The following SWT1 variants were observed in gnomAD, a reference collection of about 807,000 sequenced individuals.
SWT1 encodes transcriptional protein SWT1.
A neutral mutation model predicts 107.3 loss-of-function variants in SWT1; 33 were observed. The observed-to-expected ratio is 0.31, with a 90% confidence interval of 0.23 to 0.41. The LOEUF (loss-of-function observed/expected upper bound fraction) is 0.41. Among genes scored for constraint, SWT1 ranks in the 10% least tolerant of loss-of-function variants. The pLI, the probability that SWT1 is intolerant of heterozygous loss-of-function variation, is 1.00. For missense variants in SWT1, 898 were observed against 1,028.9 expected, an observed-to-expected ratio of 0.87 and a Z score of 1.74; for synonymous variants, 345 against 348.3, an observed-to-expected ratio of 0.99 and a Z score of 0.11.
At chr1:185,158,921 A>G (rs763326495) in intron 1 of SWT1, among the ~76,000 whole-genome samples, 9 of 152,162 alleles carry the variant, frequency 5.9e-5, no homozygotes, top group Non-Finnish European at 8.8e-5. Flanking sequence ...GGCTGCTGTC[A>G]TGTCACTTGA....
chr1:185,231,738 T>C (rs373075135), intron 16 of SWT1, 30 bp downstream of exon 16: 4 of 1,543,316 alleles, frequency 2.6e-6, no homozygotes, highest in Non-Finnish European at 3.6e-6. Context: ...TAAAGTGTTA[T>C]TTACTTATTA....
intron 9 of SWT1, 31 bp from the exon 10 acceptor site, chr1:185,190,518 T>C: frequency 1.6e-6 from 2 of 1,255,436 alleles, no homozygotes; most frequent in Non-Finnish European, 2.3e-6. Flanking sequence ...TCTAGTGTAC[T>C]TACTGACTGT....
chr1:185,159,205 G>C (rs964064907), intron 1 of SWT1, among the ~76,000 whole-genome samples: 9 of 152,146 alleles, frequency 5.9e-5, no homozygotes, highest in African/African-American at 1.9e-4. Flanking sequence ...CATTGTGGTA[G>C]CAGATTACAT....
chr1:185,280,213 A>T (rs572129929), intron 18 of SWT1, among the ~76,000 whole-genome samples: 1 of 152,244 alleles, frequency 6.6e-6, no homozygotes, highest in East Asian at 1.9e-4. Context: ...AGCACTTCTC[A>T]TTCCTGCTGC....
At chr1:185,231,322 T>C (rs145999926) in intron 15 of SWT1, among the ~76,000 whole-genome samples, 2 of 152,330 alleles carry the variant, frequency 1.3e-5, no homozygotes, top group African/African-American at 4.8e-5. Context: ...TCTCTTAGAA[T>C]GAAACAATAT....
chr1:185,280,119 A>C (rs1157921376), intron 18 of SWT1, among the ~76,000 whole-genome samples: 3 of 152,122 alleles, frequency 2.0e-5, no homozygotes, highest in Non-Finnish European at 2.9e-5. Flanking sequence ...GAATCATGAG[A>C]GCAGTTTCCC....
At chr1:185,277,069 T>C (rs548614124) in intron 18 of SWT1, among the ~76,000 whole-genome samples, 48 of 152,258 alleles carry the variant, frequency 3.2e-4, no homozygotes, top group Admixed American at 2.0e-3. Flanking sequence ...ATTATGAAAA[T>C]GTTAAAAGTG....
At chr1:185,228,164 AATG>A (rs1293497641) in intron 15 of SWT1, among the ~76,000 whole-genome samples, 37 of 112,200 alleles carry the variant, frequency 3.3e-4, no homozygotes, top group African/African-American at 8.0e-4. Flanking sequence ...ATTAAAAAAA[AATG>A]TGTATATATA....
Position 185,290,915 on chromosome 1 carries a change from A to G in SWT1, c.*112A>G. ...CCAAGAGAATTTTAAGAAATGTTTC[A>G]TAGGTATAAAAAGGTGATCGCCTAT... is the stretch of plus-strand genomic sequence containing the variant. On this transcript the variant is annotated 3_prime_UTR_variant, in exon 19 of 19. Coordinates refer to ENST00000367500, the MANE Select transcript of SWT1 (RefSeq NM_017673.7). The G allele has an allele frequency of 5.6e-6, 5 of 896,698 alleles. No homozygotes were observed. The highest frequency in any genetic ancestry group is 8.1e-6 in the Non-Finnish European group (5 of 617,856). 55.5% of individuals were successfully genotyped at this position (896,698 alleles called of 1,614,324 possible). A position where few individuals can be genotyped will look rare whatever the true frequency, so the allele number is the denominator to read the frequency against.
At position 185,257,388 on chromosome 1, in the gene SWT1, C is replaced by T. The variant is rs532065110; in HGVS notation, c.2442-13935C>T. The stretch of plus-strand genomic sequence containing the variant: ...GGCGCCCCTCCCCCAGCCTCGCTGC[C>T]GCCTTGCAGTTTGATCTCAGACTGC... On this transcript the variant is annotated intron_variant, in intron 16 of 18. Coordinates refer to ENST00000367500, the MANE Select transcript of SWT1 (RefSeq NM_017673.7). Among the ~76,000 whole-genome samples, 15 of 152,206 alleles carry T rather than the reference C, an allele frequency of 9.9e-5. No individual in the cohort carries two copies. The East Asian group carries it at 1.2e-3, about 12-fold the overall frequency.
chr1:185,256,682 T>C (rs918676631), intron 16 of SWT1, among the ~76,000 whole-genome samples: 6 of 149,988 alleles, frequency 4.0e-5, no homozygotes, highest in East Asian at 4.0e-4. Context: ...ATACATTCTT[T>C]TAAATTTTTT....
intron 18 of SWT1, among the ~76,000 whole-genome samples, chr1:185,284,680 C>T (rs1571714575): frequency 6.6e-6 from 1 of 152,130 alleles, no homozygotes; most frequent in African/African-American, 2.4e-5. Context: ...CAGTGATTGG[C>T]TATACATTTT....
rs543747039 is a variant in SWT1, at chr1:185,225,032, A to G, written c.2309+2996A>G. ...TAAAAGTAGGTGTTCTTGTTCCTTC[A>G]GTATGATGTTAACTATGGGTTTGTC... On this transcript the variant is annotated intron_variant, in intron 15 of 18. Transcript: ENST00000367500. Among the ~76,000 whole-genome samples, 6 of 152,148 alleles carry G rather than the reference A, an allele frequency of 3.9e-5. No homozygotes were observed. In the South Asian group the frequency reaches 1.2e-3, roughly 32 times the overall value.
rs1655420108 is a variant in SWT1 at position 185,175,042 on chromosome 1, G to A, written c.895G>A (p.Glu299Lys). The change falls in exon 5 of 19, where the codon GAG (glutamate) becomes AAG (lysine). Residue 299 changes from glutamate (E) to lysine (K), a missense_variant. Physicochemically the swap from Glu to Lys is moderately conservative, Grantham distance 56. Around this residue, in one of 6 missense-constraint regions of SWT1, gnomAD observed 382 missense variants for 362.4 expected, o/e 1.05. Transcript: ENST00000367500. ...SDFTYKRTVH[E>K]WKRKHHYDHQ... ...TTTTACATATAAGCGGACTGTTCAT[G>A]AGTGGAAACGAAAACATCATTATGA... 1 of 1,600,070 alleles carries A rather than the reference G, an allele frequency of 6.2e-7. No homozygotes were observed. Among genetic ancestry groups the A allele is most frequent in the Admixed American group, 1.7e-5 (1 of 57,270 alleles).
At chr1:185,207,209 A>G (rs1427114514) in intron 13 of SWT1, among the ~76,000 whole-genome samples, 7 of 152,218 alleles carry the variant, frequency 4.6e-5, no homozygotes, top group African/African-American at 1.4e-4. Context: ...TTTAAACTAT[A>G]TAGATAAGGA....
chr1:185,230,114 A>G (rs543614986), intron 15 of SWT1, among the ~76,000 whole-genome samples: 2 of 152,352 alleles, frequency 1.3e-5, no homozygotes, highest in African/African-American at 4.8e-5. Flanking sequence ...CGACAGTTAT[A>G]AAAGGAATAC....
At chr1:185,282,444 T>TG (rs1445069783) in intron 18 of SWT1, among the ~76,000 whole-genome samples, 5 of 151,618 alleles carry the variant, frequency 3.3e-5, no homozygotes, top group Non-Finnish European at 7.4e-5. Context: ...TGTAGCTTCT[T>TG]GGGGGGCGGC....
At chr1:185,267,119 T>G (rs745923044) in intron 16 of SWT1, among the ~76,000 whole-genome samples, 3 of 152,208 alleles carry the variant, frequency 2.0e-5, no homozygotes, top group Non-Finnish European at 4.4e-5. Flanking sequence ...CTGTGTAATC[T>G]TAGGCAAGTA....
chr1:185,284,100 A>G (rs1446260546), intron 18 of SWT1, among the ~76,000 whole-genome samples: 1 of 152,240 alleles, frequency 6.6e-6, no homozygotes, highest in Non-Finnish European at 1.5e-5. Flanking sequence ...CATCTTGGAC[A>G]ACACTTGTTA....
Sources: allele counts gnomAD v4.1 joint callset (sites outside exome capture counted in the v4.1 genomes callset), GRCh38; gene constraint gnomAD v4.1.1; regional missense constraint gnomAD v4.1.1; transcripts MANE v1.5; gene names NCBI Gene and HGNC (gene_info 2026-07-23, HGNC 2026-07-21).